Variants in GMDS observed in about 807,000 individuals in gnomAD.
The protein encoded by GMDS is GDP-mannose 4,6 dehydratase.
In GMDS, 20 loss-of-function variants were observed where a neutral mutation model predicts 49.9. That is an observed-to-expected ratio of 0.40 (90% confidence interval 0.28 to 0.58). GMDS has a LOEUF of 0.58. Ranked by LOEUF, GMDS falls within the 20% of genes least tolerant of loss-of-function variation. The probability of loss-of-function intolerance (pLI) is 0.42; values close to 1 mark genes in which losing one functional copy is unlikely to be tolerated. For missense variants in GMDS, 362 were observed against 481.4 expected (o/e 0.75, Z 2.32); for synonymous variants, 177 against 178.6 (o/e 0.99, Z 0.07).
intron 4 of GMDS, among the ~76,000 whole-genome samples, chr6:1,972,384 C>T (rs139563752): frequency 6.6e-6 from 1 of 150,382 alleles, no homozygotes; most frequent in Non-Finnish European, 1.5e-5. Context: ...CTGATAAATA[C>T]AGAAAAATCT....
At chr6:2,128,870 C>T (rs964457184) in intron 1 of GMDS, among the ~76,000 whole-genome samples, 4 of 152,132 alleles carry the variant, frequency 2.6e-5, no homozygotes, top group Admixed American at 6.5e-5. Flanking sequence ...GAGATTTTCC[C>T]GGTCTGGGTT....
chr6:1,652,848 T>C (rs1763757977), intron 9 of GMDS, among the ~76,000 whole-genome samples: 1 of 137,654 alleles, frequency 7.3e-6, no homozygotes, highest in African/African-American at 2.8e-5. Flanking sequence ...CTGTTTGTCC[T>C]GCTTCTGCTT....
chr6:2,013,497 A>G (rs1385172440), intron 4 of GMDS, among the ~76,000 whole-genome samples: 1 of 152,196 alleles, frequency 6.6e-6, no homozygotes, highest in Non-Finnish European at 1.5e-5. Context: ...CAGATTTTTA[A>G]ATTATCAGAT....
intron 4 of GMDS, among the ~76,000 whole-genome samples, chr6:2,061,951 G>T (rs1194416130): frequency 6.6e-6 from 1 of 152,004 alleles, no homozygotes; most frequent in Non-Finnish European, 1.5e-5. Context: ...TTTGAATTTT[G>T]ACTTTAAAAC....
intron 7 of GMDS, among the ~76,000 whole-genome samples, chr6:1,873,765 A>C (rs1157003293): frequency 6.6e-6 from 1 of 152,220 alleles, no homozygotes; most frequent in Non-Finnish European, 1.5e-5. Context: ...AGACAAGCTT[A>C]ATCAAGAGGA....
intron 1 of GMDS, among the ~76,000 whole-genome samples, chr6:2,130,432 G>A (rs371337139): frequency 2.0e-5 from 3 of 152,166 alleles, no homozygotes; most frequent in Non-Finnish European, 4.4e-5. Flanking sequence ...ATGAAGAATC[G>A]TTTATGTCCA....
chr6:1,636,845 C>G (rs1333111062), intron 9 of GMDS, among the ~76,000 whole-genome samples: 1 of 152,228 alleles, frequency 6.6e-6, no homozygotes, highest in East Asian at 1.9e-4. Flanking sequence ...TGGAAGGCAG[C>G]AGGGAGGAGA....
chr6:1,924,842 A>G lies in GMDS; in HGVS notation c.771+5261T>C, dbSNP rs75250540. ...CCTATATGGAGAGAGGTGGGCATAA[A>G]AGCAGGTTGTAGAGGGGTCAGGTAA... On this transcript the variant is annotated intron_variant, in intron 7 of 10. Transcript: ENST00000380815. Among the ~76,000 whole-genome samples the G allele has an allele frequency of 7.2e-3, 1,096 of 152,304 alleles. 3 individuals are homozygous for G. The highest frequency in any genetic ancestry group is 0.014 in the Middle Eastern group (4 of 294).
chr6:2,071,268 G>A (rs1209348923), intron 4 of GMDS, among the ~76,000 whole-genome samples: 2 of 152,114 alleles, frequency 1.3e-5, no homozygotes, highest in East Asian at 3.8e-4. Context: ...AGTGCACAGG[G>A]CATTTCAGCT....
chr6:1,989,924 T>G (rs1765823175), intron 4 of GMDS, among the ~76,000 whole-genome samples: 1 of 152,260 alleles, frequency 6.6e-6, no homozygotes, highest in Non-Finnish European at 1.5e-5. Context: ...CTTTGGTTTC[T>G]TCATATGTAG....
intron 9 of GMDS, among the ~76,000 whole-genome samples, chr6:1,645,617 C>T (rs1763462715): frequency 6.6e-6 from 1 of 152,254 alleles, no homozygotes. Context: ...CTGCTTTCTG[C>T]AGGCTCTCCT....
chr6:2,103,294 T>C (rs1472315409), intron 4 of GMDS, among the ~76,000 whole-genome samples: 2 of 152,130 alleles, frequency 1.3e-5, no homozygotes, highest in Non-Finnish European at 2.9e-5. Flanking sequence ...TTTTTTGAAC[T>C]CAGAAATGAG....
chr6:1,728,121 TA>T (rs1440664553), intron 8 of GMDS, among the ~76,000 whole-genome samples: 1 of 152,208 alleles, frequency 6.6e-6, no homozygotes, highest in Non-Finnish European at 1.5e-5. Context: ...GAAAGCGTTT[TA>T]AAACATAACC....
chr6:1,984,345 A>ACCTGCACAT (rs1174896951), intron 4 of GMDS, among the ~76,000 whole-genome samples: 1 of 152,190 alleles, frequency 6.6e-6, no homozygotes, highest in Non-Finnish European at 1.5e-5. Flanking sequence ...TATGTAACAA[A>ACCTGCACAT]CCTGCACATC....
chr6:2,075,955 GGT>G (rs1772311962), intron 4 of GMDS, among the ~76,000 whole-genome samples: 1 of 152,104 alleles, frequency 6.6e-6, no homozygotes, highest in African/African-American at 2.4e-5. Flanking sequence ...CATTCTAACT[GGT>G]GTGAGATGGT....
At chr6:1,624,851 T>TTTTTC (rs1762803361) in intron 9 of GMDS, 1 of 253,698 alleles carries the variant, frequency 3.9e-6, no homozygotes. Context: ...TTTTTTTTTT[T>TTTTTC]TTTATAACAT....
chr6:2,245,234 G>C, intron 1 of GMDS, 87 bp downstream of exon 1: 1 of 933,082 alleles, frequency 1.1e-6, no homozygotes, highest in Non-Finnish European at 1.7e-6. Flanking sequence ...TGTTCCTGGA[G>C]AGACCGCAGC....
At chr6:1,773,362 C>T (rs1445355762) in intron 7 of GMDS, among the ~76,000 whole-genome samples, 7 of 151,678 alleles carry the variant, frequency 4.6e-5, no homozygotes, top group South Asian at 2.1e-4. Context: ...AGGTTATTAA[C>T]GAAAGCTCTG....
intron 7 of GMDS, among the ~76,000 whole-genome samples, chr6:1,838,567 G>C (rs1325820624): frequency 6.6e-6 from 1 of 152,160 alleles, no homozygotes; most frequent in Non-Finnish European, 1.5e-5. Context: ...CACTGACTTG[G>C]CAATGCAAAT....
Sources: gnomAD v4.1 joint callset for allele counts (sites outside exome capture counted in the v4.1 genomes callset) on GRCh38, gnomAD v4.1.1 for gene constraint, MANE v1.5 for transcripts, NCBI Gene and HGNC (gene_info 2026-07-23, HGNC 2026-07-21) for gene names.